The following METAP1 variants were observed in gnomAD, a reference collection of about 807,000 sequenced individuals.
The protein encoded by METAP1 is methionine aminopeptidase 1.
METAP1 carries 28 observed loss-of-function variants against 53.8 expected under a neutral mutation model. That is an observed-to-expected ratio of 0.52 (90% CI 0.39 to 0.71). The LOEUF (loss-of-function observed/expected upper bound fraction) is 0.71. Ranked by LOEUF, METAP1 falls within the 30% of genes least tolerant of loss-of-function variation. METAP1 has a pLI of 0.00. For missense variants in METAP1, 389 were observed against 479.8 expected, an observed-to-expected ratio of 0.81 and a Z score of 1.77; for synonymous variants, 181 against 165.7, an observed-to-expected ratio of 1.09 and a Z score of -0.71.
chr4:99,042,696 A>C (rs1725963148), intron 6 of METAP1, among the ~76,000 whole-genome samples: 1 of 152,076 alleles, frequency 6.6e-6, no homozygotes. Flanking sequence ...TTTTATTTTT[A>C]CTTTAACATT....
At chr4:99,057,654 T>G in intron 9 of METAP1, 99 bp from the exon 10 acceptor site, 1 of 832,610 alleles carries the variant, frequency 1.2e-6, no homozygotes, top group Middle Eastern at 2.8e-4. Flanking sequence ...AATTTAACAA[T>G]CACTGATGGG....
intron 1 of METAP1, chr4:99,023,005 A>G (rs1579270925): frequency 6.8e-7 from 1 of 1,463,294 alleles, no homozygotes. Context: ...ACCTGGCACT[A>G]CCCGCTTCTT....
intron 1 of METAP1, 110 bp downstream of exon 1, chr4:98,995,977 C>G: frequency 1.2e-6 from 1 of 848,536 alleles, no homozygotes; most frequent in Non-Finnish European, 1.9e-6. Flanking sequence ...TCCTCCTCTT[C>G]CCCCCGGCCG....
At chr4:99,044,761 G>A (rs991741919) in intron 7 of METAP1, among the ~76,000 whole-genome samples, 10 of 152,208 alleles carry the variant, frequency 6.6e-5, no homozygotes. Context: ...GTAGAGCAGT[G>A]TAAATTTTTC....
intron 9 of METAP1, among the ~76,000 whole-genome samples, chr4:99,056,903 C>T (rs1727176759): frequency 6.6e-6 from 1 of 152,126 alleles, no homozygotes; most frequent in Non-Finnish European, 1.5e-5. Context: ...TGCTCAATCG[C>T]CCAGGCTGGA....
At chr4:99,039,835 G>T (rs561677128) in intron 5 of METAP1, among the ~76,000 whole-genome samples, 1 of 151,850 alleles carries the variant, frequency 6.6e-6, no homozygotes, top group South Asian at 2.1e-4. Flanking sequence ...CTCGTGATCT[G>T]CCCACCTTGG....
chr4:99,020,821 A>G lies in METAP1; in HGVS notation c.115-8046A>G, dbSNP rs550771934. Among the ~76,000 whole-genome samples the G allele has an allele frequency of 6.6e-5, 10 of 152,360 alleles. No homozygotes were observed. In the South Asian group the frequency reaches 1.0e-3, roughly 16 times the overall value. ...AAAATTGGCTCTTGGGTCCACAGAA[A>G]GCAACAATACTTGATCATTAGTTGC... On this transcript the variant is annotated intron_variant, in intron 1 of 10. Coordinates refer to ENST00000296411, the MANE Select transcript of METAP1 (RefSeq NM_015143.3).
intron 1 of METAP1, among the ~76,000 whole-genome samples, chr4:99,002,615 T>C (rs1434453175): frequency 6.6e-6 from 1 of 152,204 alleles, no homozygotes; most frequent in African/African-American, 2.4e-5. Context: ...GGGCACCTTA[T>C]GGATGAAACT....
At chr4:99,021,871 A>C (rs1401869279) in intron 1 of METAP1, among the ~76,000 whole-genome samples, 3 of 152,224 alleles carry the variant, frequency 2.0e-5, no homozygotes, top group African/African-American at 7.2e-5. Context: ...TCTGGGACTC[A>C]TTTAGCCTTA....
intron 1 of METAP1, among the ~76,000 whole-genome samples, chr4:99,010,026 T>G (rs1370158665): frequency 6.6e-6 from 1 of 152,218 alleles, no homozygotes; most frequent in Non-Finnish European, 1.5e-5. Flanking sequence ...CATGTTCAGG[T>G]CTTTAATCTC....
chr4:99,032,722 C>G (rs1368927370), intron 2 of METAP1, among the ~76,000 whole-genome samples: 1 of 152,154 alleles, frequency 6.6e-6, no homozygotes, highest in Non-Finnish European at 1.5e-5. Flanking sequence ...ATGTTTCAGA[C>G]AAAATCACTT....
At chr4:99,023,696 G>A in intron 1 of METAP1, 1 of 985,416 alleles carries the variant, frequency 1.0e-6, no homozygotes, top group Non-Finnish European at 1.2e-6. Flanking sequence ...TCAAGATGGG[G>A]AGATATGTTG....
At chr4:99,012,903 T>C (rs1434999425) in intron 1 of METAP1, among the ~76,000 whole-genome samples, 2 of 152,126 alleles carry the variant, frequency 1.3e-5, no homozygotes, top group African/African-American at 4.8e-5. Context: ...TTCCAGGTCA[T>C]AGGTGGGTTC....
chr4:99,013,852 C>A (rs1723608987), intron 1 of METAP1, among the ~76,000 whole-genome samples: 1 of 152,200 alleles, frequency 6.6e-6, no homozygotes, highest in South Asian at 2.1e-4. Context: ...CACATCCTAA[C>A]ATTTAACCGG....
chr4:99,060,074 G>A (rs1216504306), intron 10 of METAP1, among the ~76,000 whole-genome samples: 1 of 152,120 alleles, frequency 6.6e-6, no homozygotes, highest in Non-Finnish European at 1.5e-5. Context: ...CTAGGAAAGA[G>A]CTAAATTCAT....
chr4:99,023,067 T>G, intron 1 of METAP1: 1 of 1,335,096 alleles, frequency 7.5e-7, no homozygotes, highest in East Asian at 2.9e-5. Flanking sequence ...CCACATCTAG[T>G]GTCTGGTCTG....
At position 99,028,894 on chromosome 4, in the gene METAP1, C is replaced by G; in HGVS notation, c.142C>G (p.His48Asp). Reference protein sequence around the residue: ...QECFKGSWATHKLLHKKAKDE... With the variant: ...QECFKGSWATDKLLHKKAKDE... ...ATGTTTTAAAGGAAGTTGGGCTACT[C>G]ACAAGTTACTACATAAGAAAGCAAG... The change falls in exon 2 of 11, where the codon CAC becomes GAC. Residue 48 changes from histidine to aspartate, a missense_variant. Physicochemically the swap from His to Asp is moderately conservative, Grantham distance 81 (BLOSUM62 -1). Coordinates refer to ENST00000296411, the MANE Select transcript of METAP1 (RefSeq NM_015143.3). 6.5e-7 allele frequency: 1 copy of G among 1,546,062 alleles called. No homozygotes were observed. The highest frequency in any genetic ancestry group is 8.7e-7 in the Non-Finnish European group (1 of 1,143,670).
intron 1 of METAP1, among the ~76,000 whole-genome samples, chr4:99,002,325 G>A (rs1054490879): frequency 1.3e-5 from 2 of 152,178 alleles, no homozygotes; most frequent in Non-Finnish European, 2.9e-5. Context: ...TAAAGCAACC[G>A]TTGAGCTTCA....
chr4:99,036,460 T>C (rs1725430283), intron 4 of METAP1, among the ~76,000 whole-genome samples: 1 of 152,142 alleles, frequency 6.6e-6, no homozygotes, highest in Non-Finnish European at 1.5e-5. Context: ...ACAAATGTTA[T>C]GCAGTGAAAG....
Sources: allele counts gnomAD v4.1 joint callset (sites outside exome capture counted in the v4.1 genomes callset), GRCh38; gene constraint gnomAD v4.1.1; transcripts MANE v1.5; gene names NCBI Gene and HGNC (gene_info 2026-07-23, HGNC 2026-07-21).